RAPGEF2: variants seen among roughly 807,000 people sequenced by gnomAD.
The protein encoded by RAPGEF2 is Rap guanine nucleotide exchange factor 2, also known as PDZ domain containing guanine nucleotide exchange factor (GEF) 1.
A neutral mutation model predicts 186.7 loss-of-function variants in RAPGEF2; 54 were observed. The observed-to-expected ratio is 0.29, with a 90% confidence interval of 0.23 to 0.36. RAPGEF2 has a LOEUF of 0.36. RAPGEF2 is among the 10% of genes least tolerant of loss of function. RAPGEF2 has a pLI of 1.00. For synonymous variants in RAPGEF2, 712 were observed against 705.9 expected, an observed-to-expected ratio of 1.01 and a Z score of -0.14; for missense variants, 1,532 against 2,045.0, an observed-to-expected ratio of 0.75 and a Z score of 4.84.
chr4:159,279,738 G>C (rs1759438753), intron 7 of RAPGEF2, among the ~76,000 whole-genome samples: 2 of 151,824 alleles, frequency 1.3e-5, no homozygotes, highest in Admixed American at 6.6e-5. Flanking sequence ...GAGTGCAGTG[G>C]TGTGATCTCA....
chr4:159,235,386 T>C (rs1339645577), intron 4 of RAPGEF2, among the ~76,000 whole-genome samples: 2 of 152,226 alleles, frequency 1.3e-5, no homozygotes, highest in African/African-American at 2.4e-5. Context: ...TTGAGTATAA[T>C]GTTAAATGCT....
intron 1 of RAPGEF2, among the ~76,000 whole-genome samples, chr4:159,180,569 G>A (rs1746900774): frequency 6.6e-6 from 1 of 152,136 alleles, no homozygotes; most frequent in Non-Finnish European, 1.5e-5. Context: ...TTTCATGTGG[G>A]ATGATGTACT....
At position 159,103,928 on chromosome 4, in the gene RAPGEF2, G is replaced by A. The variant is rs564561011; in HGVS notation, c.-235G>A. 4.7e-4 allele frequency: 72 copies of A among 153,132 alleles called. 1 individual carries two copies. In the South Asian group the frequency reaches 0.013, roughly 28 times the overall value. The allele number at this position is 153,132 out of a possible 1,614,324, so 9.5% of individuals were successfully genotyped here. A position where few individuals can be genotyped will look rare whatever the true frequency, so the allele number is the denominator to read the frequency against. On this transcript the variant is annotated 5_prime_UTR_variant, in exon 1 of 30. Coordinates refer to ENST00000691494, the MANE Select transcript of RAPGEF2 (RefSeq NM_001394067.2). Reference sequence around the variant, plus strand: ...CGGGCCGCATCGCACGGCAGCCTAGGGGCGCCGCGACCCTCCCGGCTGCGT... The same window carrying A: ...CGGGCCGCATCGCACGGCAGCCTAGAGGCGCCGCGACCCTCCCGGCTGCGT...
At chr4:159,170,863 GTTTA>G (rs1297474435) in intron 1 of RAPGEF2, among the ~76,000 whole-genome samples, 1 of 151,346 alleles carries the variant, frequency 6.6e-6, no homozygotes, top group African/African-American at 2.4e-5. Context: ...TTTATTTTGA[GTTTA>G]TTTTGTGTAT....
chr4:159,257,963 C>T (rs950230658), intron 7 of RAPGEF2, among the ~76,000 whole-genome samples: 1 of 152,074 alleles, frequency 6.6e-6, no homozygotes, highest in African/African-American at 2.4e-5. Context: ...TCTTAGGGGT[C>T]AGTTGTAGAA....
At chr4:159,329,409 CA>C (rs1214512630) in intron 11 of RAPGEF2, 1 of 152,340 alleles carries the variant, frequency 6.6e-6, no homozygotes, top group Non-Finnish European at 1.5e-5. Flanking sequence ...ATATCTACTC[CA>C]TAGGTATCTT....
chr4:159,245,983 ACC>A (rs1754585831), intron 7 of RAPGEF2, among the ~76,000 whole-genome samples: 3 of 152,074 alleles, frequency 2.0e-5, no homozygotes, highest in African/African-American at 7.2e-5. Flanking sequence ...ACTCCTACTT[ACC>A]CAAAAATATG....
intron 7 of RAPGEF2, among the ~76,000 whole-genome samples, chr4:159,247,849 G>A (rs1754833686): frequency 7.6e-6 from 1 of 131,684 alleles, no homozygotes; most frequent in Admixed American, 9.5e-5. Context: ...CGCAACTTCT[G>A]CCTCCTGGGT....
chr4:159,182,271 A>C (rs1579393807), intron 1 of RAPGEF2, among the ~76,000 whole-genome samples: 1 of 152,126 alleles, frequency 6.6e-6, no homozygotes, highest in Non-Finnish European at 1.5e-5. Flanking sequence ...ATAAATTTTA[A>C]ATTGGAATGA....
intron 7 of RAPGEF2, among the ~76,000 whole-genome samples, chr4:159,281,922 ATTG>A (rs1759773797): frequency 6.6e-6 from 1 of 152,118 alleles, no homozygotes. Context: ...AATGCCAGTT[ATTG>A]TTGTTAGATT....
chr4:159,125,454 A>G (rs1347947196), intron 1 of RAPGEF2, among the ~76,000 whole-genome samples: 1 of 152,040 alleles, frequency 6.6e-6, no homozygotes, highest in African/African-American at 2.4e-5. Context: ...GGAAACCACA[A>G]AGATAAATAA....
At chr4:159,357,398 A>G (rs1268331644) in intron 29 of RAPGEF2, among the ~76,000 whole-genome samples, 3 of 152,306 alleles carry the variant, frequency 2.0e-5, no homozygotes, top group South Asian at 4.1e-4. Flanking sequence ...GAGAAAGGGA[A>G]GGAAGGAAGG....
intron 1 of RAPGEF2, among the ~76,000 whole-genome samples, chr4:159,153,027 A>G (rs1037274085): frequency 1.3e-5 from 2 of 152,218 alleles, no homozygotes; most frequent in Non-Finnish European, 2.9e-5. Flanking sequence ...AATACTTGCT[A>G]TATGACTTTC....
intron 1 of RAPGEF2, among the ~76,000 whole-genome samples, chr4:159,123,198 G>A (rs1739905982): frequency 6.6e-6 from 1 of 152,210 alleles, no homozygotes; most frequent in African/African-American, 2.4e-5. Flanking sequence ...TTTCAACTTT[G>A]TTAGGGGTTG....
chr4:159,110,817 T>G (rs921806802), intron 1 of RAPGEF2, among the ~76,000 whole-genome samples: 1 of 152,232 alleles, frequency 6.6e-6, no homozygotes, highest in African/African-American at 2.4e-5. Context: ...ATTTTTTGTT[T>G]AGATAAATTA....
chr4:159,185,067 G>A (rs1258169112), intron 1 of RAPGEF2, among the ~76,000 whole-genome samples: 2 of 152,154 alleles, frequency 1.3e-5, no homozygotes, highest in Non-Finnish European at 1.5e-5. Flanking sequence ...GGACAAAAAA[G>A]CACATGAAAA....
chr4:159,343,228 G>A, intron 21 of RAPGEF2, 38 bp downstream of exon 21: 1 of 1,613,934 alleles, frequency 6.2e-7, no homozygotes, highest in Non-Finnish European at 8.5e-7. Context: ...TTTGCTTGAA[G>A]AAGCACAGAA....
intron 4 of RAPGEF2, among the ~76,000 whole-genome samples, chr4:159,227,405 A>C (rs935104019): frequency 1.3e-5 from 2 of 152,260 alleles, no homozygotes; most frequent in African/African-American, 4.8e-5. Context: ...TATACAACTC[A>C]TACACGGCCA....
At chr4:159,180,396 A>G (rs138985154) in intron 1 of RAPGEF2, among the ~76,000 whole-genome samples, 5 of 152,276 alleles carry the variant, frequency 3.3e-5, no homozygotes, top group African/African-American at 9.6e-5. Context: ...GTAGTGAAAC[A>G]TTACTTATGT....
Sources: allele counts gnomAD v4.1 joint callset (sites outside exome capture counted in the v4.1 genomes callset), GRCh38; gene constraint gnomAD v4.1.1; transcripts MANE v1.5; gene names NCBI Gene and HGNC (gene_info 2026-07-23, HGNC 2026-07-21).